Variants in FAIM2 observed in about 807,000 individuals in gnomAD.
The protein encoded by FAIM2 is Fas apoptotic inhibitory molecule 2.
Under a neutral mutation model 47.4 loss-of-function variants are expected in FAIM2, and 27 were observed. The observed-to-expected ratio is 0.57, with a 90% CI of 0.42 to 0.78. The LOEUF (loss-of-function observed/expected upper bound fraction) is 0.78, where lower values mean the gene tolerates loss of function less well. Among genes scored for constraint, FAIM2 ranks in the 30% least tolerant of loss-of-function variants. The pLI is 0.00. For missense variants in FAIM2, 311 were observed against 389.4 expected (o/e 0.80, Z 1.69); for synonymous variants, 156 against 159.3 (o/e 0.98, Z 0.16).
At chr12:49,879,874 GTA>G (rs918923761) in intron 11 of FAIM2, among the ~76,000 whole-genome samples, 12 of 148,842 alleles carry the variant, frequency 8.1e-5, no homozygotes, top group Non-Finnish European at 1.5e-4. Flanking sequence ...ATATGTACGT[GTA>G]TGTGTATGTG....
At chr12:49,897,768 C>G (rs2603099) in intron 3 of FAIM2, among the ~76,000 whole-genome samples, 185 bp from the exon 4 acceptor site, 103 of 151,600 alleles carry the variant, frequency 6.8e-4, no homozygotes, top group African/African-American at 2.2e-3. Flanking sequence ...AAGCGCACCC[C>G]CCCCCAGCAT....
chr12:49,878,521 ACT>A (rs1946763065), intron 11 of FAIM2, among the ~76,000 whole-genome samples: 1 of 52,424 alleles, frequency 1.9e-5, no homozygotes, highest in African/African-American at 1.2e-4. Flanking sequence ...TGTGCATATG[ACT>A]GTGTATGTGC....
chr12:49,884,960 T>G (rs554167728), intron 11 of FAIM2, among the ~76,000 whole-genome samples: 2 of 151,458 alleles, frequency 1.3e-5, no homozygotes, highest in Non-Finnish European at 2.9e-5. Flanking sequence ...GGCGACAGAG[T>G]GAGACTCCGT....
Position 49,901,269 on chromosome 12 carries a change from C to T in FAIM2, c.72G>A (p.Glu24=). 1 of 1,609,512 alleles carries T rather than the reference C, an allele frequency of 6.2e-7. No individual in the cohort carries two copies. The highest frequency in any genetic ancestry group is 8.5e-7 in the Non-Finnish European group (1 of 1,178,204). Residue 24 remains glutamate, a synonymous_variant, in exon 2 of 12, where the codon GAG becomes GAA. Coordinates refer to ENST00000320634, the MANE Select transcript of FAIM2 (RefSeq NM_012306.4). ...AGGGCACTGCTGGAGCCTCCTTCTT[C>T]TCGCCATGCACCTGCTGCTGCCCCT... ...GTEGQQQVHG[E]KKEAPAVPSA... is the part of the protein sequence containing the mutation.
At chr12:49,877,865 TGA>T (rs545609916) in intron 11 of FAIM2, among the ~76,000 whole-genome samples, 152 of 152,000 alleles carry the variant, frequency 1.0e-3, no homozygotes, top group Non-Finnish European at 1.6e-3. Context: ...CATGTGTGTG[TGA>T]GTGTATACAT....
Position 49,870,610 on chromosome 12 carries a change from T to C in FAIM2, c.845A>G (p.His282Arg), listed in dbSNP as rs752207438. 3 of 1,613,830 alleles carry C rather than the reference T, an allele frequency of 1.9e-6. No individual in the cohort carries two copies. In the South Asian group the frequency reaches 3.3e-5, roughly 18 times the overall value. Residue 282 changes from histidine (H) to arginine (R), a missense_variant, in exon 12 of 12, where the codon CAC becomes CGC. Physicochemically the swap from His to Arg is conservative, Grantham distance 29 (BLOSUM62 0). Coordinates refer to ENST00000320634, the MANE Select transcript of FAIM2 (RefSeq NM_012306.4). Reference protein sequence around the residue: ...DTQLLMGNRRHSLSPEEYIFG... With the variant: ...DTQLLMGNRRRSLSPEEYIFG... ...AATATACTCCTCAGGGCTCAGCGAG[T>C]GGCGTCGGTTACCCATCAGCAACTG...
intron 11 of FAIM2, among the ~76,000 whole-genome samples, chr12:49,879,543 T>G (rs879593298): frequency 4.6e-5 from 7 of 151,668 alleles, no homozygotes; most frequent in Non-Finnish European, 7.4e-5. Flanking sequence ...TATATGTGAG[T>G]GTATGGGTGT....
intron 10 of FAIM2, among the ~76,000 whole-genome samples, chr12:49,887,685 C>T (rs1443776927): frequency 1.3e-5 from 2 of 151,724 alleles, no homozygotes; most frequent in Non-Finnish European, 2.9e-5. Context: ...TCGTTCTTCC[C>T]GCAGCACACA....
chr12:49,897,532 G>C lies in FAIM2; in HGVS notation c.367C>G (p.Leu123Val). The C allele has an allele frequency of 6.2e-7, 1 of 1,614,176 alleles. No individual in the cohort carries two copies. The highest frequency in any genetic ancestry group is 8.5e-7 in the Non-Finnish European group (1 of 1,180,022). ...QLLVTLAVVA[L>V]FTFCDPVKDY... is the part of the protein sequence containing the mutation. The stretch of plus-strand genomic sequence containing the variant: ...CTGCCAACTCACCAGAAAGTAAAGA[G>C]AGCCACGACAGCCAAGGTCACCAGC... The change falls in exon 4 of 12, where the codon CTC becomes GTC. Residue 123 changes from leucine (L) to valine (V), a missense_variant. By Grantham distance (32) the Leu-to-Val change is conservative. Coordinates refer to ENST00000320634, the MANE Select transcript of FAIM2 (RefSeq NM_012306.4).
At chr12:49,897,485 C>T in intron 4 of FAIM2, 34 bp downstream of exon 4, 1 of 1,597,646 alleles carries the variant, frequency 6.3e-7, no homozygotes, top group Non-Finnish European at 8.6e-7. Flanking sequence ...CCATAGTCAT[C>T]CCTGGAAGGT....
In FAIM2 at chr12:49,901,203, C is replaced by A; in HGVS notation, c.138G>T (p.Gly46=). Residue 46 remains glycine, a synonymous_variant, in exon 2 of 12, where the codon GGG becomes GGT. Transcript: ENST00000320634. ...PSYEEATSGE[G]MKAGAFPPAP... ...CTGGGGGGAAGGCCCCTGCCTTCAT[C>A]CCCTCCCCAGAGGTGGCTTCCTCAT... 1 of 1,611,444 alleles carries A rather than the reference C, an allele frequency of 6.2e-7. No homozygotes were observed. Among genetic ancestry groups the A allele is most frequent in the Non-Finnish European group, 8.5e-7 (1 of 1,178,892 alleles).
intron 5 of FAIM2, among the ~76,000 whole-genome samples, chr12:49,896,220 G>A (rs890103528): frequency 2.0e-5 from 3 of 152,198 alleles, no homozygotes; most frequent in South Asian, 2.1e-4. Flanking sequence ...CAGTGAGCGC[G>A]AGAGCAGTTC....
At chr12:49,880,572 C>CATGCGTG (rs1565615151) in intron 11 of FAIM2, among the ~76,000 whole-genome samples, 2 of 10,612 alleles carry the variant, frequency 1.9e-4, no homozygotes, top group African/African-American at 1.4e-3. Flanking sequence ...ATGTGTGTAT[C>CATGCGTG]TGTGCATGTG....
At chr12:49,902,838 TGAG>T (rs1946990589) in intron 1 of FAIM2, 1 of 151,926 alleles carries the variant, frequency 6.6e-6, no homozygotes, top group Non-Finnish European at 1.5e-5. Flanking sequence ...CACTCCCAAG[TGAG>T]GTGTGACCAA....
intron 5 of FAIM2, among the ~76,000 whole-genome samples, chr12:49,893,209 A>G (rs1297013309): frequency 6.6e-6 from 1 of 152,150 alleles, no homozygotes; most frequent in East Asian, 1.9e-4. Context: ...GAGCAATCAG[A>G]CAATGCATTC....
chr12:49,876,632 C>T (rs1946738634), intron 11 of FAIM2, among the ~76,000 whole-genome samples: 1 of 151,418 alleles, frequency 6.6e-6, no homozygotes, highest in South Asian at 2.1e-4. Context: ...ATTAGCCGGG[C>T]GTGGTGGTGC....
chr12:49,879,766 ACG>A (rs887935447), intron 11 of FAIM2, among the ~76,000 whole-genome samples: 13 of 143,910 alleles, frequency 9.0e-5, no homozygotes, highest in East Asian at 2.1e-4. Flanking sequence ...ATGTGTGTGC[ACG>A]TGTGTATATA....
chr12:49,878,552 ATG>A lies in FAIM2; in HGVS notation c.802-7901_802-7900del, dbSNP rs1306630708. On this transcript the variant is annotated intron_variant, in intron 11 of 11. Coordinates refer to ENST00000320634, the MANE Select transcript of FAIM2 (RefSeq NM_012306.4). ...TATGTGCATGTGTATATGTGCGTGC[ATG>A]TGTGAGTGTATATGTTCATGTGTAT... 5.9e-4 allele frequency among the ~76,000 whole-genome samples: 35 copies of A among 59,000 alleles called. 7 individuals are homozygous for A. The highest frequency in any genetic ancestry group is 4.0e-3 in the Admixed American group (21 of 5,306). 38.7% of individuals were successfully genotyped at this position (59,000 alleles called of 152,430 possible).
At chr12:49,899,856 CACTT>C (rs1256216166) in intron 2 of FAIM2, among the ~76,000 whole-genome samples, 8 of 152,366 alleles carry the variant, frequency 5.3e-5, no homozygotes, top group African/African-American at 1.9e-4. Flanking sequence ...CCCTGGCACA[CACTT>C]AGTAAATGTC....
Sources: gnomAD v4.1 joint callset for allele counts (sites outside exome capture counted in the v4.1 genomes callset) on GRCh38, gnomAD v4.1.1 for gene constraint, MANE v1.5 for transcripts, NCBI Gene and HGNC (gene_info 2026-07-23, HGNC 2026-07-21) for gene names.